PIGF: variants seen among roughly 807,000 people sequenced by gnomAD.
PIGF encodes phosphatidylinositol glycan anchor biosynthesis class F.
In PIGF, 23 loss-of-function variants were observed where a neutral mutation model predicts 26.0. The observed-to-expected ratio is 0.88, with a 90% CI of 0.64 to 1.25. PIGF has a LOEUF of 1.25. PIGF is among the 50% of genes most tolerant of loss of function. PIGF has a pLI of 0.00. For missense variants in PIGF, 278 were observed against 249.9 expected, an observed-to-expected ratio of 1.11 and a Z score of -0.76; for synonymous variants, 93 against 92.6, an observed-to-expected ratio of 1.00 and a Z score of -0.03.
intron 4 of PIGF, among the ~76,000 whole-genome samples, chr2:46,593,683 C>T (rs181749799): frequency 1.3e-5 from 2 of 152,288 alleles, no homozygotes; most frequent in Non-Finnish European, 1.5e-5. Flanking sequence ...AGTCTGGTTA[C>T]AGTCAGGTAA....
chr2:46,592,671 CAT>C (rs1669758271), intron 4 of PIGF, 88 bp from the exon 5 acceptor site: 1 of 678,626 alleles, frequency 1.5e-6, no homozygotes, highest in Non-Finnish European at 2.7e-6. Flanking sequence ...TATCAGTATA[CAT>C]ATATTTCCTG....
intron 4 of PIGF, among the ~76,000 whole-genome samples, chr2:46,606,313 T>C (rs1335890593): frequency 3.9e-5 from 6 of 152,168 alleles, no homozygotes; most frequent in Non-Finnish European, 2.9e-5. Flanking sequence ...GAAATATACG[T>C]GTATCTGTGC....
intron 4 of PIGF, among the ~76,000 whole-genome samples, chr2:46,601,812 G>C (rs1208384614): frequency 6.6e-6 from 1 of 151,810 alleles, no homozygotes; most frequent in Non-Finnish European, 1.5e-5. Flanking sequence ...TACACAAATA[G>C]GTCTTATTGA....
At position 46,592,497 on chromosome 2, in the gene PIGF, A is replaced by G; in HGVS notation, c.524T>C (p.Leu175Pro). ...GAWLGALPIP[L>P]DWERPWQVWP... ...AACCTGCCATGGTCTTTCCCAATCCAGTGGAATAGGAAGTGCTCCAAGCCA... is the reference window on the plus strand; with the variant it reads ...AACCTGCCATGGTCTTTCCCAATCCGGTGGAATAGGAAGTGCTCCAAGCCA... Residue 175 changes from leucine to proline, a missense_variant, in exon 5 of 6, where the codon CTG becomes CCG. Coordinates refer to ENST00000281382, the MANE Select transcript of PIGF (RefSeq NM_002643.4). The G allele has an allele frequency of 6.3e-7, 1 of 1,599,576 alleles. No individual in the cohort carries two copies. Among genetic ancestry groups the G allele is most frequent in the Non-Finnish European group, 8.6e-7 (1 of 1,166,674 alleles).
In PIGF at chr2:46,589,301, A is replaced by T. The variant is rs1297693533; in HGVS notation, c.546+3174T>A. On this transcript the variant is annotated intron_variant, in intron 5 of 5. Transcript: ENST00000281382. The surrounding 1 kb of genome is among the most constrained non-coding windows in gnomAD (Gnocchi z 4.7). ...TAAGTTAAAAAACTTTTACATTGAGATCACATATTTTCAGTGGGCCTTTCC... is the reference window on the plus strand; with the variant it reads ...TAAGTTAAAAAACTTTTACATTGAGTTCACATATTTTCAGTGGGCCTTTCC... 6.6e-6 allele frequency among the ~76,000 whole-genome samples: 1 copy of T among 152,054 alleles called. No homozygotes were observed. Among genetic ancestry groups the T allele is most frequent in the African/African-American group, 2.4e-5 (1 of 41,446 alleles).
At chr2:46,592,029 T>A in intron 5 of PIGF, 1 of 1,215,632 alleles carries the variant, frequency 8.2e-7, no homozygotes, top group Non-Finnish European at 1.1e-6. Context: ...AAATAGGAAA[T>A]TTCTGCAGCT....
At chr2:46,598,908 T>C (rs1453819595) in intron 4 of PIGF, among the ~76,000 whole-genome samples, 4 of 152,228 alleles carry the variant, frequency 2.6e-5, no homozygotes, top group East Asian at 1.9e-4. Context: ...TGGATGCTTA[T>C]AATTCAAGCA....
chr2:46,594,234 T>C (rs1309763856), intron 4 of PIGF, among the ~76,000 whole-genome samples: 2 of 152,228 alleles, frequency 1.3e-5, no homozygotes, highest in East Asian at 3.9e-4. Flanking sequence ...CTGACAATGA[T>C]GACTAAGCTT....
At chr2:46,605,392 T>C (rs1273768599) in intron 4 of PIGF, among the ~76,000 whole-genome samples, 2 of 152,230 alleles carry the variant, frequency 1.3e-5, no homozygotes, top group African/African-American at 2.4e-5. Context: ...CCTCCATAGT[T>C]ATCTATGCAC....
chr2:46,610,575 G>T (rs1444636360), intron 4 of PIGF, among the ~76,000 whole-genome samples: 3 of 142,268 alleles, frequency 2.1e-5, no homozygotes, highest in Non-Finnish European at 3.0e-5. Context: ...TGTTGCCCAG[G>T]CTGGAGTCCA....
intron 4 of PIGF, among the ~76,000 whole-genome samples, chr2:46,600,422 T>C (rs1410686214): frequency 6.6e-6 from 1 of 152,222 alleles, no homozygotes; most frequent in Non-Finnish European, 1.5e-5. Context: ...CCTAACAACA[T>C]TATTTATTAT....
intron 5 of PIGF, among the ~76,000 whole-genome samples, chr2:46,586,230 G>A (rs886464520): frequency 1.1e-4 from 17 of 152,162 alleles, no homozygotes; most frequent in Non-Finnish European, 2.4e-4. Flanking sequence ...TCATAAATTC[G>A]AAGAAACAAA....
intron 1 of PIGF, 80 bp from the exon 2 acceptor site, chr2:46,615,265 G>C (rs2104152472): frequency 1.5e-6 from 1 of 660,506 alleles, no homozygotes; most frequent in Non-Finnish European, 2.7e-6. Flanking sequence ...CCTAAAAATA[G>C]GTCATAAAGT....
At chr2:46,611,065 C>T (rs957202923) in intron 4 of PIGF, among the ~76,000 whole-genome samples, 2 of 152,138 alleles carry the variant, frequency 1.3e-5, no homozygotes, top group African/African-American at 2.4e-5. Flanking sequence ...TCCCATCTCC[C>T]CCTCCATTCT....
At chr2:46,582,552 CATTTTAGAGAAACA>C (rs368160188) in intron 5 of PIGF, 4 of 152,476 alleles carry the variant, frequency 2.6e-5, no homozygotes, top group Non-Finnish European at 4.4e-5. Flanking sequence ...CAACCTAATG[CATTTTAGAGAAACA>C]ATCTCATCAC....
chr2:46,595,248 A>C (rs755017352), intron 4 of PIGF, among the ~76,000 whole-genome samples: 4 of 152,040 alleles, frequency 2.6e-5, no homozygotes, highest in Admixed American at 6.6e-5. Flanking sequence ...CTCTTTAACC[A>C]TTACCAATCA....
intron 4 of PIGF, among the ~76,000 whole-genome samples, chr2:46,604,329 T>C (rs902376745): frequency 2.0e-5 from 3 of 152,032 alleles, no homozygotes; most frequent in Admixed American, 6.6e-5. Context: ...AGATCTACCA[T>C]ATGATCCAGC....
intron 5 of PIGF, among the ~76,000 whole-genome samples, chr2:46,585,602 T>C (rs1453383443): frequency 6.6e-6 from 1 of 152,176 alleles, no homozygotes; most frequent in Non-Finnish European, 1.5e-5. Context: ...GTACCAGTAT[T>C]CTGTATATTA....
chr2:46,592,666 G>C, intron 4 of PIGF, 83 bp from the exon 5 acceptor site: 1 of 691,720 alleles, frequency 1.4e-6, no homozygotes, highest in Non-Finnish European at 2.7e-6. Context: ...CACATTATCA[G>C]TATACATATA....
Sources: gnomAD v4.1 joint callset for allele counts (sites outside exome capture counted in the v4.1 genomes callset) on GRCh38, gnomAD v4.1.1 for gene constraint, Gnocchi (gnomAD v3.1) non-coding constraint, MANE v1.5 for transcripts, NCBI Gene and HGNC (gene_info 2026-07-23, HGNC 2026-07-21) for gene names.